SPATA7: variants seen among roughly 807,000 people sequenced by gnomAD.
SPATA7 encodes the protein spermatogenesis associated 7, also known as spermatogenesis-associated protein 7.
Under a neutral mutation model 51.8 loss-of-function variants are expected in SPATA7, and 43 were observed. The ratio of observed to expected loss-of-function variants is 0.83; its 90% CI spans 0.65 to 1.07. The LOEUF is 1.07. Among genes scored for constraint, SPATA7 ranks in the 50% least tolerant of loss-of-function variants. The pLI is 0.00. For missense variants in SPATA7, 683 were observed against 701.3 expected (o/e 0.97, Z 0.30); for synonymous variants, 230 against 252.8 (o/e 0.91, Z 0.86).
chr14:88,426,800 C>T (rs2076807512), intron 6 of SPATA7, 96 bp downstream of exon 6: 2 of 1,075,166 alleles, frequency 1.9e-6, no homozygotes, highest in African/African-American at 1.6e-5. Flanking sequence ...GCCTTAAGAT[C>T]TGATAGTGCC....
chr14:88,464,782 A>T (rs571444743), intron 4 of SPATA7, among the ~76,000 whole-genome samples: 4 of 152,346 alleles, frequency 2.6e-5, no homozygotes, highest in Admixed American at 2.0e-4. Context: ...CCATTTCTTT[A>T]TGCAAATCTC....
intron 1 of SPATA7, chr14:88,386,098 G>A (rs1281521059): frequency 4.5e-6 from 6 of 1,341,736 alleles, no homozygotes; most frequent in Admixed American, 5.8e-5. Context: ...ACTCAGGGTC[G>A]TGCAGCCTTT....
intron 5 of SPATA7, 76 bp downstream of exon 5, chr14:88,416,920 A>C: frequency 2.2e-6 from 3 of 1,367,952 alleles, no homozygotes; most frequent in Non-Finnish European, 3.0e-6. Context: ...GACTTTGTTT[A>C]CTATAGTTTA....
intron 5 of SPATA7, 114 bp downstream of exon 5, chr14:88,416,958 C>G: frequency 2.4e-6 from 2 of 843,590 alleles, no homozygotes; most frequent in Non-Finnish European, 3.7e-6. Flanking sequence ...CTGTAAAGAT[C>G]CAGATAGTTA....
At chr14:88,452,419 G>T (rs559149811) in intron 3 of SPATA7, among the ~76,000 whole-genome samples, 4 of 152,322 alleles carry the variant, frequency 2.6e-5, no homozygotes, top group African/African-American at 9.6e-5. Context: ...CCAGGAGGTG[G>T]CGCTTTCAAG....
chr14:88,451,779 C>T (rs1252291594), intron 3 of SPATA7, among the ~76,000 whole-genome samples: 1 of 152,192 alleles, frequency 6.6e-6, no homozygotes, highest in African/African-American at 2.4e-5. Flanking sequence ...CCTGCTTCGG[C>T]CTCCCAAAGT....
chr14:88,400,939 C>T (rs1203705343), intron 4 of SPATA7, among the ~76,000 whole-genome samples: 1 of 152,156 alleles, frequency 6.6e-6, no homozygotes, highest in Non-Finnish European at 1.5e-5. Flanking sequence ...AAGGATAGCA[C>T]CAGTCCTTCT....
intron 4 of SPATA7, 56 bp from the exon 5 acceptor site, chr14:88,416,655 A>G: frequency 1.3e-6 from 2 of 1,593,054 alleles, no homozygotes; most frequent in South Asian, 2.3e-5. Flanking sequence ...TAACAAGACC[A>G]AAAAACCAAT....
intron 1 of SPATA7, 95 bp downstream of exon 1, chr14:88,385,932 C>G (rs1005741089): frequency 2.1e-6 from 3 of 1,395,754 alleles, no homozygotes; most frequent in East Asian, 2.8e-5. Flanking sequence ...CAAGGCCGCC[C>G]CTTGGGGCGC....
At chr14:88,417,650 T>C (rs1024582780) in intron 5 of SPATA7, among the ~76,000 whole-genome samples, 6 of 152,212 alleles carry the variant, frequency 3.9e-5, no homozygotes, top group African/African-American at 1.4e-4. Context: ...CAATTGACTT[T>C]AATGTTAAAC....
intron 4 of SPATA7, chr14:88,468,004 A>G: frequency 8.6e-7 from 1 of 1,160,758 alleles, no homozygotes; most frequent in Non-Finnish European, 1.3e-6. Flanking sequence ...GCCGCCATTC[A>G]GACTGCGCCA....
At chr14:88,386,663 A>G (rs1199852099) in intron 1 of SPATA7, among the ~76,000 whole-genome samples, 2 of 152,062 alleles carry the variant, frequency 1.3e-5, no homozygotes, top group Non-Finnish European at 2.9e-5. Flanking sequence ...AATAATTTGC[A>G]TTTTCACACT....
intron 4 of SPATA7, among the ~76,000 whole-genome samples, chr14:88,397,265 G>A (rs2075910902): frequency 6.6e-6 from 1 of 152,150 alleles, no homozygotes; most frequent in Non-Finnish European, 1.5e-5. Context: ...ATTTCCCCAT[G>A]TCCTCCCCAA....
At chr14:88,436,477 AT>A (rs558129713) in intron 10 of SPATA7, among the ~76,000 whole-genome samples, 66 of 152,204 alleles carry the variant, frequency 4.3e-4, no homozygotes, top group African/African-American at 1.5e-3. Flanking sequence ...CTTGTGGGAT[AT>A]TACTCAAGAA....
rs556218666 is a variant in SPATA7, at chr14:88,469,226, T to C, written c.255-621T>C. 5 of 863,090 alleles carry C rather than the reference T, an allele frequency of 5.8e-6. No homozygotes were observed. The highest frequency in any genetic ancestry group is 8.8e-6 in the Non-Finnish European group (5 of 571,410). The allele number at this position is 863,090 out of a possible 1,614,324, so 53.5% of individuals were successfully genotyped here. A position where few individuals can be genotyped will look rare whatever the true frequency, so the allele number is the denominator to read the frequency against. ...ACCAAACCCAACCACAAAGGGACAG[T>C]GTGACCCTGAGCAAGTCACTACCTC... On this transcript the variant is annotated intron_variant, in intron 4 of 4. Transcript: ENST00000556406. This position sits in a 1 kb window ranked among gnomAD's most constrained non-coding sequence, Gnocchi z 4.3.
chr14:88,386,092 A>T, intron 1 of SPATA7: 2 of 1,357,890 alleles, frequency 1.5e-6, no homozygotes, highest in Non-Finnish European at 9.7e-7. Context: ...TCCTGAACTC[A>T]GGGTCGTGCA....
In SPATA7 at chr14:88,396,300, G is replaced by A. The variant is rs1268955317; in HGVS notation, c.238+97G>A. The A allele has an allele frequency of 3.6e-6, 3 of 833,234 alleles. No individual in the cohort carries two copies. In the East Asian group the frequency reaches 8.0e-5, roughly 22 times the overall value. The allele number at this position is 833,234 out of a possible 1,614,324, so 51.6% of individuals were successfully genotyped here. On this transcript the variant is annotated intron_variant, in intron 4 of 11. Coordinates refer to ENST00000393545, the MANE Select transcript of SPATA7 (RefSeq NM_018418.5). ...TGTCTTAACCATTTTTAAGTGTCCA[G>A]TTCAATATTAAGTACATTAATATTG...
chr14:88,411,561 C>T (rs2076342013), intron 4 of SPATA7, among the ~76,000 whole-genome samples: 1 of 151,410 alleles, frequency 6.6e-6, no homozygotes, highest in South Asian at 2.1e-4. Context: ...AGCATAGTAT[C>T]TGGGCCAGAG....
chr14:88,419,082 T>C (rs2076565119), intron 5 of SPATA7, among the ~76,000 whole-genome samples: 1 of 152,222 alleles, frequency 6.6e-6, no homozygotes, highest in South Asian at 2.1e-4. Flanking sequence ...TTTCCAGATA[T>C]TCAAATCTTT....
Sources: allele counts gnomAD v4.1 joint callset (sites outside exome capture counted in the v4.1 genomes callset), GRCh38; gene constraint gnomAD v4.1.1; non-coding constraint Gnocchi (gnomAD v3.1); transcripts MANE v1.5; gene names NCBI Gene and HGNC (gene_info 2026-07-23, HGNC 2026-07-21).